The following TMEM117 variants were observed in gnomAD, a reference collection of about 807,000 sequenced individuals.
The protein encoded by TMEM117 is transmembrane protein 117.
TMEM117 carries 27 observed loss-of-function variants against 52.4 expected under a neutral mutation model. The observed-to-expected ratio is 0.51, with a 90% CI of 0.38 to 0.71. The LOEUF (loss-of-function observed/expected upper bound fraction) is 0.71. Ranked by LOEUF, TMEM117 falls within the 30% of genes least tolerant of loss-of-function variation. The pLI is 0.00. For missense variants in TMEM117, 556 were observed against 630.5 expected, an observed-to-expected ratio of 0.88 and a Z score of 1.26; for synonymous variants, 215 against 206.3, an observed-to-expected ratio of 1.04 and a Z score of -0.36.
chr12:44,348,292 A>G (rs1850797766), intron 6 of TMEM117, among the ~76,000 whole-genome samples: 1 of 151,610 alleles, frequency 6.6e-6, no homozygotes, highest in East Asian at 2.0e-4. Flanking sequence ...AGAGAGCTAT[A>G]GAGAAATATA....
At chr12:44,369,617 T>C (rs1030853934) in intron 6 of TMEM117, among the ~76,000 whole-genome samples, 3 of 152,204 alleles carry the variant, frequency 2.0e-5, no homozygotes, top group African/African-American at 7.2e-5. Context: ...AACAACAATT[T>C]TGAGAGTTCA....
the TMEM117 span, chr12:43,799,278 G>A: frequency 3.3e-5 from 19 of 571,460 alleles, no homozygotes; most frequent in African/African-American, 2.7e-4. Flanking sequence ...TAAACTAAAC[G>A]GAATAAACCT....
chr12:43,837,565 T>C (rs1439636810), intron 1 of TMEM117, among the ~76,000 whole-genome samples: 1 of 152,164 alleles, frequency 6.6e-6, no homozygotes, highest in Non-Finnish European at 1.5e-5. Context: ...CAGGCTGGTC[T>C]CGAACTCTTG....
At chr12:44,394,043 A>C (rs777665529), downstream of TMEM117, among the ~76,000 whole-genome samples, 1 of 152,240 alleles carries the variant, frequency 6.6e-6, no homozygotes, top group Non-Finnish European at 1.5e-5. Flanking sequence ...AACAAGGGAA[A>C]AAAAGATTAG....
At chr12:44,285,550 G>A (rs1287896062) in intron 5 of TMEM117, among the ~76,000 whole-genome samples, 2 of 152,098 alleles carry the variant, frequency 1.3e-5, no homozygotes, top group African/African-American at 2.4e-5. Flanking sequence ...GTGCTCCCTC[G>A]ACATTTCCTG....
At chr12:44,059,932 A>G (rs776493939) in intron 3 of TMEM117, among the ~76,000 whole-genome samples, 9 of 152,226 alleles carry the variant, frequency 5.9e-5, no homozygotes, top group Non-Finnish European at 1.3e-4. Flanking sequence ...AGAAGAGTAT[A>G]GTGAAATAGC....
At chr12:44,160,811 A>C (rs113995324) in intron 4 of TMEM117, among the ~76,000 whole-genome samples, 1,753 of 152,298 alleles carry the variant, frequency 0.012, 22 homozygotes, top group South Asian at 0.052. Flanking sequence ...CTAAAAAAAG[A>C]AATTACCCTA....
At chr12:44,241,748 G>A (rs1056325504) in intron 5 of TMEM117, among the ~76,000 whole-genome samples, 2 of 151,864 alleles carry the variant, frequency 1.3e-5, no homozygotes, top group Non-Finnish European at 2.9e-5. Flanking sequence ...ACAACAATTT[G>A]TTGAATGATT....
intron 2 of TMEM117, among the ~76,000 whole-genome samples, chr12:43,885,812 A>G (rs1214430151): frequency 6.6e-6 from 1 of 152,232 alleles, no homozygotes; most frequent in Non-Finnish European, 1.5e-5. Flanking sequence ...TAGTTCAACC[A>G]GAGGTAACCA....
rs558899564 is a variant in TMEM117 at position 44,389,639 on chromosome 12, GT to G, written c.*968del. 3 of 152,542 alleles carry G rather than the reference GT, an allele frequency of 2.0e-5. No homozygotes were observed. The highest frequency in any genetic ancestry group is 4.4e-5 in the Non-Finnish European group (3 of 68,002). The allele number at this position is 152,542 out of a possible 1,614,324, so 9.4% of individuals were successfully genotyped here. ...TCAAAAAATCATGCAGCGGAACCTT[GT>G]CAGGTAGAGAAGCCGTGCATGAAAG... On this transcript the variant is annotated 3_prime_UTR_variant, in exon 8 of 8. Transcript: ENST00000266534.
chr12:43,952,071 A>G (rs1945232808), intron 3 of TMEM117, among the ~76,000 whole-genome samples: 1 of 152,130 alleles, frequency 6.6e-6, no homozygotes, highest in African/African-American at 2.4e-5. Context: ...AGACAAACAA[A>G]CAGAAAGCAA....
At chr12:44,290,367 G>A (rs925534496) in intron 5 of TMEM117, among the ~76,000 whole-genome samples, 3 of 152,102 alleles carry the variant, frequency 2.0e-5, no homozygotes, top group Non-Finnish European at 4.4e-5. Flanking sequence ...TTACATTTAA[G>A]TCTTTAATCC....
At chr12:44,305,131 C>A (rs78928655) in intron 6 of TMEM117, among the ~76,000 whole-genome samples, 7,151 of 152,226 alleles carry the variant, frequency 0.047, 348 homozygotes, top group African/African-American at 0.12. Flanking sequence ...CATAAGCTGA[C>A]TAAACAGCCA....
At chr12:44,094,480 T>C (rs756403483) in intron 3 of TMEM117, among the ~76,000 whole-genome samples, 3 of 152,124 alleles carry the variant, frequency 2.0e-5, no homozygotes, top group Non-Finnish European at 2.9e-5. Flanking sequence ...TCTGATTATA[T>C]TGAAAGACCC....
intron 3 of TMEM117, among the ~76,000 whole-genome samples, chr12:44,050,049 T>C (rs1946945189): frequency 6.6e-6 from 1 of 152,236 alleles, no homozygotes; most frequent in Admixed American, 6.5e-5. Context: ...TTCACAATTC[T>C]ATAGCAGAAT....
chr12:44,047,744 G>T (rs915335956), intron 3 of TMEM117, among the ~76,000 whole-genome samples: 3 of 152,066 alleles, frequency 2.0e-5, no homozygotes, highest in Non-Finnish European at 4.4e-5. Flanking sequence ...TGGTCAAGAT[G>T]TATCATTTGT....
chr12:43,853,129 C>G (rs569202390), intron 2 of TMEM117, among the ~76,000 whole-genome samples: 1 of 152,146 alleles, frequency 6.6e-6, no homozygotes, highest in Non-Finnish European at 1.5e-5. Context: ...CAGCTATACC[C>G]GAAACTCTAT....
At chr12:44,022,922 G>C (rs1946476533) in intron 3 of TMEM117, among the ~76,000 whole-genome samples, 1 of 152,128 alleles carries the variant, frequency 6.6e-6, no homozygotes, top group African/African-American at 2.4e-5. Flanking sequence ...AATGAGGTCT[G>C]GCGTCTAATC....
intron 3 of TMEM117, among the ~76,000 whole-genome samples, chr12:44,026,016 T>A (rs944738272): frequency 1.3e-5 from 2 of 152,208 alleles, no homozygotes; most frequent in African/African-American, 4.8e-5. Flanking sequence ...ATAATCTTTG[T>A]GCTGTGGACC....
Sources: allele counts gnomAD v4.1 joint callset (sites outside exome capture counted in the v4.1 genomes callset), GRCh38; gene constraint gnomAD v4.1.1; transcripts MANE v1.5; gene names NCBI Gene and HGNC (gene_info 2026-07-23, HGNC 2026-07-21).